ITFG2: variants seen among roughly 807,000 people sequenced by gnomAD.
ITFG2 encodes integrin alpha FG-GAP repeat containing 2, also known as KICSTOR complex protein ITFG2.
In ITFG2, 36 loss-of-function variants were observed where a neutral mutation model predicts 54.4. The ratio of observed to expected loss-of-function variants is 0.66; its 90% CI spans 0.51 to 0.87. The LOEUF is 0.87. ITFG2 is among the 40% of genes least tolerant of loss of function. ITFG2 has a pLI of 0.00. For synonymous variants in ITFG2, 211 were observed against 225.4 expected, an observed-to-expected ratio of 0.94 and a Z score of 0.57; for missense variants, 524 against 576.7, an observed-to-expected ratio of 0.91 and a Z score of 0.94.
chr12:2,832,161 G>A (rs564389557), upstream of ITFG2, among the ~76,000 whole-genome samples: 24 of 152,090 alleles, frequency 1.6e-4, no homozygotes, highest in Admixed American at 9.2e-4. Context: ...AAGATCCCCA[G>A]GTGATTCATG....
downstream of ITFG2, among the ~76,000 whole-genome samples, chr12:2,831,231 C>G (rs1469768056): frequency 6.6e-6 from 1 of 151,106 alleles, no homozygotes; most frequent in African/African-American, 2.4e-5. Context: ...CCCCTCTGAC[C>G]TCATCCTTCA....
chr12:2,822,401 A>G (rs1005599148), intron 9 of ITFG2, among the ~76,000 whole-genome samples: 11 of 152,206 alleles, frequency 7.2e-5, no homozygotes, highest in Admixed American at 3.3e-4. Flanking sequence ...TCCCAACTCC[A>G]GAGGCATATT....
Position 2,820,861 on chromosome 12 carries a change from G to T in ITFG2, c.684G>T (p.Thr228=). ...CCCCTCCTGCCTCTGAAGGGCCCAC[G>T]GATGGTAGTAGGTAAGGGGGTACAG... ...TGSPPASEGP[T]DGSRETPAAR... is the part of the protein sequence containing the mutation. The change falls in exon 6 of 12, where the codon ACG becomes ACT. Residue 228 remains threonine, a synonymous_variant. Coordinates refer to ENST00000228799, the MANE Select transcript of ITFG2 (RefSeq NM_018463.4). 6.2e-7 allele frequency: 1 copy of T among 1,613,972 alleles called. No homozygotes were observed. Among genetic ancestry groups the T allele is most frequent in the Non-Finnish European group, 8.5e-7 (1 of 1,179,970 alleles).
chr12:2,849,463 G>A (rs561590705), intron 2 of ITFG2: 16 of 1,536,174 alleles, frequency 1.0e-5, no homozygotes, highest in African/African-American at 2.7e-5. Context: ...ATTGGGAAAC[G>A]GGTTGGGCAT....
At chr12:2,857,014 G>A (rs746236199) in intron 2 of ITFG2, 37 of 702,862 alleles carry the variant, frequency 5.3e-5, no homozygotes, top group South Asian at 2.7e-4. Context: ...GATCTTTGCC[G>A]GTTACTGGCC....
chr12:2,826,817 T>C, downstream of ITFG2: 1 of 265,302 alleles, frequency 3.8e-6, no homozygotes, highest in South Asian at 4.4e-5. Context: ...CATGGTGGTG[T>C]GGGAAGTTGA....
chr12:2,826,247 C>G (rs1340789469), downstream of ITFG2: 3 of 151,668 alleles, frequency 2.0e-5, no homozygotes, highest in Admixed American at 1.3e-4. Flanking sequence ...TTGGCAAAGC[C>G]TGGCAGGGGG....
intron 2 of ITFG2, chr12:2,855,191 T>C (rs2098083505): frequency 6.6e-7 from 1 of 1,506,820 alleles, no homozygotes; most frequent in Non-Finnish European, 8.9e-7. Flanking sequence ...TCAGGCTGGG[T>C]GGGGAAGGTG....
Position 2,858,669 on chromosome 12 carries a change from T to C in ITFG2, n.620+338T>C, listed in dbSNP as rs766229966. On this transcript the variant is annotated intron_variant and non_coding_transcript_variant, in intron 3 of 3. Coordinates refer to the ITFG2 transcript ENST00000537710. ...TAGCTCAGGAATAAACTGGGACCAG[T>C]TGATGTTGTCAGGGCCCAGTGGGTC... The C allele has an allele frequency of 2.5e-5, 41 of 1,613,850 alleles. No individual in the cohort carries two copies. Among genetic ancestry groups the C allele is most frequent in the Non-Finnish European group, 3.1e-5 (37 of 1,179,974 alleles).
At chr12:2,827,008 G>A (rs769178547), downstream of ITFG2, 335 of 1,401,356 alleles carry the variant, frequency 2.4e-4, 1 homozygote, top group Non-Finnish European at 2.8e-4. The surrounding 1 kb of genome is among the most constrained non-coding windows in gnomAD (Gnocchi z 4.0). Flanking sequence ...GTGAAAACTC[G>A]TCCTGGGGAG....
intron 4 of ITFG2, 63 bp downstream of exon 4, chr12:2,818,340 C>A: frequency 7.5e-6 from 12 of 1,597,470 alleles, no homozygotes; most frequent in Non-Finnish European, 9.3e-6. Context: ...TAGAGCATAT[C>A]CCAAGGGATT....
Position 2,821,412 on chromosome 12 carries a change from G to A in ITFG2, c.793+53G>A, listed in dbSNP as rs998542122. On this transcript the variant is annotated intron_variant, in intron 7 of 11. Coordinates refer to ENST00000228799, the MANE Select transcript of ITFG2 (RefSeq NM_018463.4). ...GAGATGAGGGGTAGCCGTCAGTTCT[G>A]GAGGAGTGGAGATCCATAGCTTTCC... 4 of 1,552,054 alleles carry A rather than the reference G, an allele frequency of 2.6e-6. No individual in the cohort carries two copies. In the African/African-American group the frequency reaches 5.4e-5, roughly 21 times the overall value.
chr12:2,836,627 AC>A (rs1175892607), upstream of ITFG2: 5 of 152,124 alleles, frequency 3.3e-5, no homozygotes, highest in African/African-American at 1.2e-4. Flanking sequence ...TGTACCCCTA[AC>A]CCCTAGTACC....
At chr12:2,830,400 C>T (rs2097995419) in intron 2 of ITFG2, 2 of 240,548 alleles carry the variant, frequency 8.3e-6, no homozygotes, top group Admixed American at 5.6e-5. Context: ...TCCAGAATTA[C>T]GTTATCCATG....
chr12:2,838,256 TCTC>T (rs1476101478), intron 1 of ITFG2, among the ~76,000 whole-genome samples: 2 of 152,240 alleles, frequency 1.3e-5, no homozygotes, highest in Non-Finnish European at 2.9e-5. Context: ...CTGAAAAGCA[TCTC>T]CTCCAACTTA....
At chr12:2,836,020 T>G (rs1264221824), upstream of ITFG2, among the ~76,000 whole-genome samples, 1 of 152,226 alleles carries the variant, frequency 6.6e-6, no homozygotes, top group Non-Finnish European at 1.5e-5. Flanking sequence ...TGCATGACAT[T>G]GAGGAAATGT....
At chr12:2,819,977 C>T (rs555856211) in intron 4 of ITFG2, 109 bp from the exon 5 acceptor site, 3 of 1,379,370 alleles carry the variant, frequency 2.2e-6, no homozygotes, top group South Asian at 3.0e-5. Context: ...AAGTGAGTAG[C>T]ACCGCAGATC....
chr12:2,828,873 A>C (rs1277206421), downstream of ITFG2, among the ~76,000 whole-genome samples: 1 of 152,012 alleles, frequency 6.6e-6, no homozygotes, highest in African/African-American at 2.4e-5. Context: ...TTTTTATGAG[A>C]CTCATACAAT....
intron 2 of ITFG2, among the ~76,000 whole-genome samples, chr12:2,846,492 G>A (rs576608361): frequency 2.6e-4 from 40 of 152,000 alleles, no homozygotes; most frequent in Non-Finnish European, 2.6e-4. Flanking sequence ...CCGTCCTCTC[G>A]CCAGGAGGCT....
Sources: allele counts gnomAD v4.1 joint callset (sites outside exome capture counted in the v4.1 genomes callset), GRCh38; gene constraint gnomAD v4.1.1; non-coding constraint Gnocchi (gnomAD v3.1); transcripts MANE v1.5; gene names NCBI Gene and HGNC (gene_info 2026-07-23, HGNC 2026-07-21).